Variants in LAMA3 observed in about 807,000 individuals in gnomAD.
LAMA3 encodes laminin subunit alpha-3.
Under a neutral mutation model 402.0 loss-of-function variants are expected in LAMA3, and 281 were observed. That is an observed-to-expected ratio of 0.70 (90% CI 0.63 to 0.77). The LOEUF is 0.77. Ranked by LOEUF, LAMA3 falls within the 30% of genes least tolerant of loss-of-function variation. The pLI, the probability that LAMA3 is intolerant of heterozygous loss-of-function variation, is 0.00. For synonymous variants in LAMA3, 1,431 were observed against 1,558.4 expected, an observed-to-expected ratio of 0.92 and a Z score of 1.93; for missense variants, 3,840 against 4,215.5, an observed-to-expected ratio of 0.91 and a Z score of 2.47.
chr18:23,830,644 C>T (rs2063474351), intron 23 of LAMA3, among the ~76,000 whole-genome samples: 1 of 152,164 alleles, frequency 6.6e-6, no homozygotes, highest in Admixed American at 6.5e-5. Context: ...TTAACGACAA[C>T]CTGATTCTCT....
At chr18:23,909,355 T>A in intron 55 of LAMA3, 60 bp downstream of exon 55, 2 of 1,499,800 alleles carry the variant, frequency 1.3e-6, no homozygotes, top group Non-Finnish European at 1.8e-6. Flanking sequence ...TTATCACATT[T>A]ATCAAGAAAG....
chr18:23,780,116 T>C (rs2062405763), intron 11 of LAMA3, among the ~76,000 whole-genome samples: 1 of 152,160 alleles, frequency 6.6e-6, no homozygotes, highest in Admixed American at 6.5e-5. Context: ...CTGAGGAGAA[T>C]TGCAGTCTTG....
At chr18:23,748,628 C>G (rs141617001) in intron 3 of LAMA3, among the ~76,000 whole-genome samples, 2,536 of 151,644 alleles carry the variant, frequency 0.017, 264 homozygotes, top group Admixed American at 0.16. Context: ...AACCCTGTCT[C>G]TACTAAAAAT....
At chr18:23,820,102 C>G in intron 19 of LAMA3, 105 bp downstream of exon 19, 1 of 1,140,346 alleles carries the variant, frequency 8.8e-7, no homozygotes, top group South Asian at 1.3e-5. Context: ...AGAACTGATT[C>G]CACGATTCTT....
At chr18:23,781,219 CT>C in intron 11 of LAMA3, 1 of 440,286 alleles carries the variant, frequency 2.3e-6, no homozygotes, top group Non-Finnish European at 4.5e-6. Context: ...AAAACGTTCC[CT>C]TTCCCTGTGA....
At chr18:23,922,063 A>G (rs1008677014) in intron 62 of LAMA3, among the ~76,000 whole-genome samples, 11 of 152,210 alleles carry the variant, frequency 7.2e-5, no homozygotes, top group Non-Finnish European at 1.6e-4. Flanking sequence ...CGAGCGTGGA[A>G]TTGTTACGTA....
rs1488366216 is a variant in LAMA3 at position 23,907,830 on chromosome 18, G to A, written c.6910G>A (p.Asp2304Asn). The A allele has an allele frequency of 1.2e-6, 2 of 1,614,058 alleles. No individual in the cohort carries two copies. Among genetic ancestry groups the A allele is most frequent in the Non-Finnish European group, 1.7e-6 (2 of 1,180,028 alleles). Residue 2304 changes from aspartate to asparagine, a missense_variant, in exon 54 of 75, where the codon GAT (aspartate) becomes AAT (asparagine). Around this residue, in one of 3 missense-constraint regions of LAMA3, gnomAD observed 891 missense variants for 857.5 expected, o/e 1.04. Transcript: ENST00000313654. ...CAACGACATCACAGATGAGGTTCTG[G>A]ATGGGCTCAACCCCATCCAGACAGA... Reference protein sequence around the residue: ...KANDITDEVLDGLNPIQTDVE... With the variant: ...KANDITDEVLNGLNPIQTDVE...
chr18:23,873,336 C>G, intron 38 of LAMA3: 1 of 892,120 alleles, frequency 1.1e-6, no homozygotes, highest in East Asian at 2.4e-5. Context: ...TGATGGCCTC[C>G]CAGTCACCTT....
At position 23,763,472 on chromosome 18, in the gene LAMA3, C is replaced by T. The variant is rs754132687; in HGVS notation, c.1131C>T (p.Ser377=). The T allele has an allele frequency of 6.2e-7, 1 of 1,613,922 alleles. No individual in the cohort carries two copies. Among genetic ancestry groups the T allele is most frequent in the Non-Finnish European group, 8.5e-7 (1 of 1,179,834 alleles). Residue 377 remains serine (S), a synonymous_variant, in exon 8 of 75, where the codon AGC becomes AGT. Transcript: ENST00000313654. ...YDPDVERQQA[S]LNTQGIYAGG... The stretch of plus-strand genomic sequence containing the variant: ...CAGATGTTGAGCGGCAGCAGGCAAG[C>T]TTGAATACCCAGGGCATCTATGCTG...
intron 8 of LAMA3, among the ~76,000 whole-genome samples, chr18:23,764,308 A>G (rs565875165): frequency 6.7e-4 from 102 of 152,338 alleles, no homozygotes; most frequent in Middle Eastern, 6.8e-3. Flanking sequence ...AAAATATAAA[A>G]TAGGTTTGTT....
intron 68 of LAMA3, 112 bp downstream of exon 68, chr18:23,939,498 A>G (rs2082423590): frequency 2.5e-6 from 3 of 1,183,158 alleles, no homozygotes; most frequent in Non-Finnish European, 3.8e-6. Context: ...TGAAGGTGGC[A>G]CTACCATTTT....
intron 2 of LAMA3, among the ~76,000 whole-genome samples, chr18:23,744,510 A>T (rs2061614500): frequency 6.6e-6 from 1 of 152,068 alleles, no homozygotes; most frequent in East Asian, 1.9e-4. Context: ...TTGCTGCTAG[A>T]GTTGGGATTT....
intron 24 of LAMA3, among the ~76,000 whole-genome samples, chr18:23,835,756 C>A (rs531388559): frequency 2.6e-5 from 4 of 152,154 alleles, no homozygotes; most frequent in Admixed American, 6.5e-5. Flanking sequence ...AAATATTTGA[C>A]CCATGAAAAC....
chr18:23,927,469 C>T (rs1309735449), intron 62 of LAMA3, among the ~76,000 whole-genome samples: 2 of 152,030 alleles, frequency 1.3e-5, no homozygotes, highest in East Asian at 1.9e-4. Flanking sequence ...CCACCCGGCC[C>T]GTTAATTTTT....
chr18:23,838,835 C>G lies in LAMA3; in HGVS notation c.3148C>G (p.Gln1050Glu). ...ATTCTCAGCTGAGTATGTGAGACCA[C>G]AAGTCCACTGCATTGCCAGTTATGG... The part of the protein sequence containing the change: ...EEFSAEYVRP[Q>E]VHCIASYGRF... Residue 1050 changes from glutamine to glutamate, a missense_variant, in exon 26 of 75, where the codon CAA (glutamine) becomes GAA (glutamate). Physicochemically the swap from Gln to Glu is conservative, Grantham distance 29. Around this residue, in one of 3 missense-constraint regions of LAMA3, gnomAD observed 2,109 missense variants for 2,376.0 expected, o/e 0.89. Transcript: ENST00000313654. 6.2e-7 allele frequency: 1 copy of G among 1,612,592 alleles called. No homozygotes were observed. The highest frequency in any genetic ancestry group is 8.5e-7 in the Non-Finnish European group (1 of 1,178,560).
At chr18:23,905,486 G>A (rs746743603) in intron 51 of LAMA3, 36 bp from the exon 52 acceptor site, 9 of 1,125,100 alleles carry the variant, frequency 8.0e-6, no homozygotes, top group Admixed American at 1.7e-5. Context: ...GTAACATATA[G>A]CATTTGTTTA....
At chr18:23,927,590 T>TAATTTA (rs1283515450) in intron 62 of LAMA3, among the ~76,000 whole-genome samples, 1 of 152,208 alleles carries the variant, frequency 6.6e-6, no homozygotes, top group Non-Finnish European at 1.5e-5. Context: ...TAAATCAAGC[T>TAATTTA]ACGTTTTTCA....
intron 7 of LAMA3, among the ~76,000 whole-genome samples, chr18:23,760,679 A>T (rs147532898): frequency 6.6e-6 from 1 of 152,348 alleles, no homozygotes; most frequent in East Asian, 1.9e-4. Flanking sequence ...GAAATTAAAA[A>T]AATAAATAAA....
At chr18:23,935,683 G>A (rs1458521162) in intron 67 of LAMA3, among the ~76,000 whole-genome samples, 2 of 152,168 alleles carry the variant, frequency 1.3e-5, no homozygotes, top group East Asian at 3.9e-4. Flanking sequence ...AATACCTCAT[G>A]ATGTTGATGT....
Sources: allele counts gnomAD v4.1 joint callset (sites outside exome capture counted in the v4.1 genomes callset), GRCh38; gene constraint gnomAD v4.1.1; regional missense constraint gnomAD v4.1.1; transcripts MANE v1.5; gene names NCBI Gene and HGNC (gene_info 2026-07-23, HGNC 2026-07-21).